CTNNA3: variants seen among roughly 807,000 people sequenced by gnomAD.
CTNNA3 encodes the protein catenin alpha-3.
A neutral mutation model predicts 95.7 loss-of-function variants in CTNNA3; 76 were observed. The ratio of observed to expected loss-of-function variants is 0.79; its 90% CI spans 0.66 to 0.96. The LOEUF is 0.96. CTNNA3 is among the 40% of genes least tolerant of loss of function. The pLI is 0.00. For missense variants in CTNNA3, 1,191 were observed against 1,089.8 expected (o/e 1.09, Z -1.31); for synonymous variants, 431 against 374.4 (o/e 1.15, Z -1.74).
At chr10:67,710,662 G>T (rs771856073) in intron 1 of CTNNA3, among the ~76,000 whole-genome samples, 15 of 152,068 alleles carry the variant, frequency 9.9e-5, no homozygotes, top group Non-Finnish European at 1.0e-4. Context: ...TGGACCAAAG[G>T]GTACTGGGTG....
intron 3 of CTNNA3, among the ~76,000 whole-genome samples, chr10:67,585,594 C>T (rs930438892): frequency 8.6e-5 from 13 of 152,042 alleles, no homozygotes; most frequent in Non-Finnish European, 1.6e-4. Context: ...TTCTCCATTT[C>T]TTCTAGGTTT....
intron 7 of CTNNA3, among the ~76,000 whole-genome samples, chr10:66,830,679 G>C (rs1289592576): frequency 6.6e-6 from 1 of 151,188 alleles, no homozygotes; most frequent in African/African-American, 2.4e-5. Context: ...GTGCGATCTC[G>C]GCTCACCGCA....
At chr10:66,978,552 A>AATATATATATATATATATATAT (rs1554890349) in intron 7 of CTNNA3, among the ~76,000 whole-genome samples, 8 of 37,880 alleles carry the variant, frequency 2.1e-4, no homozygotes, top group East Asian at 3.5e-3. Context: ...AAAAAAAAAA[A>AATATATATATATATATATATAT]ATATATATAT....
intron 5 of CTNNA3, among the ~76,000 whole-genome samples, chr10:67,273,841 G>A (rs1839076959): frequency 6.6e-6 from 1 of 152,148 alleles, no homozygotes; most frequent in Admixed American, 6.6e-5. Context: ...TTCCATTAAT[G>A]TAAAGTAATG....
intron 7 of CTNNA3, among the ~76,000 whole-genome samples, chr10:67,019,210 AATTTT>A (rs1366706461): frequency 2.0e-5 from 3 of 151,884 alleles, no homozygotes; most frequent in Admixed American, 2.0e-4. Flanking sequence ...TTCTTTTTTT[AATTTT>A]ATTTTATTAT....
At chr10:67,600,949 G>A (rs1407503348) in intron 3 of CTNNA3, among the ~76,000 whole-genome samples, 2 of 152,148 alleles carry the variant, frequency 1.3e-5, no homozygotes, top group African/African-American at 4.8e-5. Flanking sequence ...TATAGTCTCA[G>A]TATTTGAAGT....
At chr10:66,513,704 TG>T (rs1458097119) in intron 11 of CTNNA3, among the ~76,000 whole-genome samples, 5 of 152,148 alleles carry the variant, frequency 3.3e-5, no homozygotes, top group Admixed American at 6.5e-5. Context: ...CTCAGGCCCC[TG>T]GGCATTGTGT....
At chr10:66,491,802 G>A (rs939899620) in intron 11 of CTNNA3, among the ~76,000 whole-genome samples, 2 of 152,128 alleles carry the variant, frequency 1.3e-5, no homozygotes, top group Non-Finnish European at 2.9e-5. Context: ...TTGTTAGACT[G>A]ACACTCTTAC....
In CTNNA3 at chr10:66,583,829, T is replaced by C. The variant is rs1589451783; in HGVS notation, c.1374+37863A>G. ...TGTTGGCATTTTGCACTATAAACTT[T>C]CCTCTTAGCTTTGCTTTTGCTGTAT... On this transcript the variant is annotated intron_variant, in intron 10 of 17. Transcript: ENST00000433211. 2.6e-5 allele frequency among the ~76,000 whole-genome samples: 4 copies of C among 151,902 alleles called. No homozygotes were observed. In the East Asian group the frequency reaches 7.7e-4, roughly 29 times the overall value.
At chr10:66,171,535 G>C (rs2085430347) in intron 13 of CTNNA3, among the ~76,000 whole-genome samples, 1 of 147,178 alleles carries the variant, frequency 6.8e-6, no homozygotes, top group Non-Finnish European at 1.5e-5. Context: ...GATAGAGCAA[G>C]ACTCCATCTC....
At chr10:66,463,340 C>T (rs907374183) in intron 11 of CTNNA3, among the ~76,000 whole-genome samples, 1 of 152,086 alleles carries the variant, frequency 6.6e-6, no homozygotes, top group East Asian at 1.9e-4. Flanking sequence ...CCATGTGATG[C>T]CTGCTCCCCT....
At chr10:66,490,662 A>T (rs1839891633) in intron 11 of CTNNA3, among the ~76,000 whole-genome samples, 1 of 152,202 alleles carries the variant, frequency 6.6e-6, no homozygotes, top group Non-Finnish European at 1.5e-5. Context: ...GTTCTCTCAG[A>T]TGACATTTCT....
chr10:67,528,343 T>C (rs1840212199), intron 4 of CTNNA3, among the ~76,000 whole-genome samples: 1 of 152,202 alleles, frequency 6.6e-6, no homozygotes, highest in African/African-American at 2.4e-5. Context: ...AATTCTTTCA[T>C]GGTTTCCCCT....
intron 7 of CTNNA3, among the ~76,000 whole-genome samples, chr10:66,882,307 G>A (rs1328063298): frequency 6.6e-6 from 1 of 152,068 alleles, no homozygotes; most frequent in Non-Finnish European, 1.5e-5. Flanking sequence ...ATTTGAGTTA[G>A]AGCAGAAAGG....
At chr10:67,166,442 G>A (rs2132102283) in intron 7 of CTNNA3, among the ~76,000 whole-genome samples, 1 of 152,070 alleles carries the variant, frequency 6.6e-6, no homozygotes, top group African/African-American at 2.4e-5. Flanking sequence ...TCTGTTATAA[G>A]TGTTTAATTT....
chr10:65,970,287 T>A (rs956820390), intron 16 of CTNNA3, among the ~76,000 whole-genome samples: 4 of 152,042 alleles, frequency 2.6e-5, no homozygotes, highest in African/African-American at 9.7e-5. Flanking sequence ...ATTCTAAACA[T>A]GGGGAAAATA....
At chr10:67,454,939 T>C (rs1847117574) in intron 5 of CTNNA3, among the ~76,000 whole-genome samples, 1 of 152,182 alleles carries the variant, frequency 6.6e-6, no homozygotes, top group South Asian at 2.1e-4. Flanking sequence ...CTTTAGTTTA[T>C]TGTGCATATA....
At chr10:65,940,222 C>G (rs2077408174) in intron 17 of CTNNA3, among the ~76,000 whole-genome samples, 1 of 152,190 alleles carries the variant, frequency 6.6e-6, no homozygotes, top group Non-Finnish European at 1.5e-5. Context: ...GTACTTACCT[C>G]TTGTACTTCT....
At chr10:66,100,992 C>T (rs1440407377) in intron 14 of CTNNA3, among the ~76,000 whole-genome samples, 1 of 152,142 alleles carries the variant, frequency 6.6e-6, no homozygotes, top group Non-Finnish European at 1.5e-5. Context: ...TTCCAGCATT[C>T]TAAAAAGAGC....
Sources: gnomAD v4.1 joint callset for allele counts (sites outside exome capture counted in the v4.1 genomes callset) on GRCh38, gnomAD v4.1.1 for gene constraint, MANE v1.5 for transcripts, NCBI Gene and HGNC (gene_info 2026-07-23, HGNC 2026-07-21) for gene names.